The following NTRK2 variants were observed in gnomAD, a reference collection of about 807,000 sequenced individuals.
NTRK2 encodes the protein neurotrophic receptor tyrosine kinase 2.
Under a neutral mutation model 94.5 loss-of-function variants are expected in NTRK2, and 13 were observed. That is an observed-to-expected ratio of 0.14 (90% CI 0.09 to 0.22). The LOEUF (loss-of-function observed/expected upper bound fraction) is 0.22. Among genes scored for constraint, NTRK2 ranks in the 10% least tolerant of loss-of-function variants. NTRK2 has a pLI of 1.00. For synonymous variants in NTRK2, 372 were observed against 407.4 expected, an observed-to-expected ratio of 0.91 and a Z score of 1.05; for missense variants, 639 against 1,071.2, an observed-to-expected ratio of 0.60 and a Z score of 5.63.
At chr9:84,856,935 C>G (rs185143388) in intron 12 of NTRK2, among the ~76,000 whole-genome samples, 298 of 152,280 alleles carry the variant, frequency 2.0e-3, no homozygotes, top group Non-Finnish European at 3.4e-3. Flanking sequence ...CAGAACCTTT[C>G]TAAGCCTCAT....
intron 12 of NTRK2, among the ~76,000 whole-genome samples, chr9:84,842,028 CAACCAGTGGA>C (rs1366340462): frequency 1.3e-5 from 2 of 152,192 alleles, no homozygotes; most frequent in African/African-American, 4.8e-5. Context: ...AACATTGAAG[CAACCAGTGGA>C]ACTATTCACC....
At chr9:84,870,126 T>TACACAC (rs1554757395) in intron 14 of NTRK2, among the ~76,000 whole-genome samples, 1 of 95,654 alleles carries the variant, frequency 1.0e-5, no homozygotes, top group African/African-American at 4.3e-5. Flanking sequence ...TATATATATA[T>TACACAC]ACACACACAC....
intron 9 of NTRK2, among the ~76,000 whole-genome samples, chr9:84,730,094 A>G (rs1189138284): frequency 6.6e-6 from 1 of 152,250 alleles, no homozygotes; most frequent in Non-Finnish European, 1.5e-5. Flanking sequence ...TTTTATAAAT[A>G]TGTTTCCTCC....
At chr9:84,983,084 T>G (rs1465246046) in intron 17 of NTRK2, among the ~76,000 whole-genome samples, 1 of 152,204 alleles carries the variant, frequency 6.6e-6, no homozygotes, top group East Asian at 1.9e-4. Context: ...GTTTTGCTGA[T>G]GCATGAGCTG....
chr9:84,958,357 C>G (rs1824434433), intron 17 of NTRK2, among the ~76,000 whole-genome samples: 1 of 152,204 alleles, frequency 6.6e-6, no homozygotes, highest in East Asian at 1.9e-4. Context: ...TTTATTTACA[C>G]ATTGTAAAAA....
In NTRK2 at chr9:84,764,467, T is replaced by A. The variant is rs185723660; in HGVS notation, c.1396+12382T>A. Among the ~76,000 whole-genome samples, 3 of 152,352 alleles carry A rather than the reference T, an allele frequency of 2.0e-5. No individual in the cohort carries two copies. In the East Asian group the frequency reaches 5.8e-4, roughly 29 times the overall value. ...CAGCTCTTTCATTATAGTTCTGTCT[T>A]GATGACTCTTCCTTGAGGCAATGAT... is the stretch of plus-strand genomic sequence containing the variant. On this transcript the variant is annotated intron_variant, in intron 12 of 18. Transcript: ENST00000277120.
At chr9:84,816,420 G>T (rs1384163348) in intron 12 of NTRK2, among the ~76,000 whole-genome samples, 1 of 152,012 alleles carries the variant, frequency 6.6e-6, no homozygotes. Flanking sequence ...CAGACTTAGG[G>T]ATTGGAAAAA....
intron 14 of NTRK2, among the ~76,000 whole-genome samples, chr9:84,888,800 A>G (rs561051386): frequency 4.3e-4 from 65 of 151,494 alleles, no homozygotes; most frequent in Middle Eastern, 3.4e-3. Flanking sequence ...TCAACATATT[A>G]TAAAGTTCAC....
At chr9:84,994,400 A>C (rs1167459003) in intron 17 of NTRK2, among the ~76,000 whole-genome samples, 1 of 152,210 alleles carries the variant, frequency 6.6e-6, no homozygotes, top group African/African-American at 2.4e-5. Flanking sequence ...ATAACATCTA[A>C]TTTGATCCCT....
chr9:84,970,909 G>T (rs929242754), intron 17 of NTRK2, among the ~76,000 whole-genome samples: 3 of 152,188 alleles, frequency 2.0e-5, no homozygotes, highest in Admixed American at 1.3e-4. Flanking sequence ...GTGATCAGTT[G>T]TTTCTGGAAT....
At chr9:84,678,417 A>T (rs572974178) in intron 2 of NTRK2, among the ~76,000 whole-genome samples, 1 of 152,340 alleles carries the variant, frequency 6.6e-6, no homozygotes, top group South Asian at 2.1e-4. Flanking sequence ...TTTGGTTTCA[A>T]CCTCTGCAAT....
chr9:84,876,640 T>C, intron 14 of NTRK2: 2 of 1,058,582 alleles, frequency 1.9e-6, no homozygotes, highest in Non-Finnish European at 2.3e-6. Flanking sequence ...ACCCACATGA[T>C]TTTTCCATCC....
At chr9:84,942,523 G>T (rs1045016458) in intron 15 of NTRK2, among the ~76,000 whole-genome samples, 28 of 152,124 alleles carry the variant, frequency 1.8e-4, no homozygotes, top group African/African-American at 6.8e-4. Context: ...AGCCTATGGA[G>T]GTGGCTTTTA....
intron 14 of NTRK2, chr9:84,877,705 A>G: frequency 9.4e-7 from 1 of 1,060,732 alleles, no homozygotes; most frequent in South Asian, 4.6e-5. Flanking sequence ...CGGACCTAAC[A>G]CATGACTTGC....
intron 12 of NTRK2, among the ~76,000 whole-genome samples, chr9:84,849,954 T>A (rs1194685497): frequency 6.6e-6 from 1 of 152,152 alleles, no homozygotes; most frequent in Non-Finnish European, 1.5e-5. Flanking sequence ...AGTACGGAGT[T>A]GAATAAGACA....
chr9:85,007,181 G>A (rs1831066028), intron 17 of NTRK2, among the ~76,000 whole-genome samples: 1 of 152,230 alleles, frequency 6.6e-6, no homozygotes, highest in Non-Finnish European at 1.5e-5. Flanking sequence ...GATCTAACAA[G>A]GGAACCTGCT....
intron 12 of NTRK2, among the ~76,000 whole-genome samples, chr9:84,824,333 C>T (rs905269017): frequency 6.6e-6 from 1 of 152,214 alleles, no homozygotes; most frequent in African/African-American, 2.4e-5. Context: ...ACAGGCTGAG[C>T]CAGAATTCAG....
intron 11 of NTRK2, among the ~76,000 whole-genome samples, chr9:84,751,124 T>C (rs141109300): frequency 9.8e-5 from 15 of 152,326 alleles, no homozygotes; most frequent in African/African-American, 3.6e-4. Context: ...AGAAGTGCCC[T>C]CCTGCTCCCT....
chr9:84,755,290 C>T (rs571405712), intron 12 of NTRK2, among the ~76,000 whole-genome samples: 2 of 152,308 alleles, frequency 1.3e-5, no homozygotes, highest in East Asian at 3.9e-4. Context: ...AGACTTTGAG[C>T]TCCATGGTAA....
Sources: gnomAD v4.1 joint callset for allele counts (sites outside exome capture counted in the v4.1 genomes callset) on GRCh38, gnomAD v4.1.1 for gene constraint, MANE v1.5 for transcripts, NCBI Gene and HGNC (gene_info 2026-07-23, HGNC 2026-07-21) for gene names.